TP53BP1: variants seen among roughly 807,000 people sequenced by gnomAD.
TP53BP1 encodes the protein TP53-binding protein 1.
TP53BP1 carries 61 observed loss-of-function variants against 200.8 expected under a neutral mutation model. The observed-to-expected ratio is 0.30, with a 90% CI of 0.25 to 0.38. The LOEUF (loss-of-function observed/expected upper bound fraction) is 0.38, where lower values mean the gene tolerates loss of function less well. Among genes scored for constraint, TP53BP1 ranks in the 10% least tolerant of loss-of-function variants. The pLI, the probability that TP53BP1 is intolerant of heterozygous loss-of-function variation, is 1.00. For missense variants in TP53BP1, 2,144 were observed against 2,371.9 expected (o/e 0.90, Z 2.00); for synonymous variants, 822 against 844.3 (o/e 0.97, Z 0.46).
At position 43,421,849 on chromosome 15, in the gene TP53BP1, C is replaced by T; in HGVS notation, c.4100+6G>A. The T allele has an allele frequency of 6.2e-7, 1 of 1,614,158 alleles. No individual in the cohort carries two copies. The highest frequency in any genetic ancestry group is 2.2e-5 in the East Asian group (1 of 44,892). ...GGCTCTCTCTCTCTGGAGACCCTGT[C>T]TGCACCTCAGTTTTCCTGGGCCTCC... On this transcript the variant is annotated splice_donor_region_variant and intron_variant, in intron 19 of 27. Transcript: ENST00000382044.
In TP53BP1 at chr15:43,508,006, C is replaced by T. The variant is rs568689962; in HGVS notation, c.-9+2364G>A. ...CTGGGATTACAGATGTGAGCCACCA[C>T]TCCTGTCCAGTTTTCTTTATAGAGC... On this transcript the variant is annotated intron_variant, in intron 1 of 27. Coordinates refer to the TP53BP1 transcript ENST00000263801. Among the ~76,000 whole-genome samples, 3 of 152,346 alleles carry T rather than the reference C, an allele frequency of 2.0e-5. No individual in the cohort carries two copies. The East Asian group carries it at 5.8e-4, about 29-fold the overall frequency.
chr15:43,405,249 G>C lies in TP53BP1; in HGVS notation c.*2134C>G. Reference sequence around the variant, plus strand: ...GCTCATAAATTGAAATAACAGCCACGTTCCCAAGGTTGTAACAGAAGATTC... The same window carrying C: ...GCTCATAAATTGAAATAACAGCCACCTTCCCAAGGTTGTAACAGAAGATTC... On this transcript the variant is annotated 3_prime_UTR_variant, in exon 28 of 28. Transcript: ENST00000382044. 1 of 1,611,772 alleles carries C rather than the reference G, an allele frequency of 6.2e-7. No homozygotes were observed.
chr15:43,438,235 A>C, intron 16 of TP53BP1, 89 bp downstream of exon 16: 5 of 1,138,568 alleles, frequency 4.4e-6, no homozygotes, highest in Non-Finnish European at 5.0e-6. Context: ...TGCCACATTC[A>C]AACCACAGCA....
chr15:43,477,795 A>T (rs773831200), intron 7 of TP53BP1, 36 bp from the exon 8 acceptor site: 1 of 1,465,904 alleles, frequency 6.8e-7, no homozygotes, highest in Non-Finnish European at 9.1e-7. Flanking sequence ...AAAAGTTCCT[A>T]AGTTCAAATG....
At chr15:43,420,995 G>A in intron 20 of TP53BP1, 30 bp downstream of exon 20, 1 of 1,595,780 alleles carries the variant, frequency 6.3e-7, no homozygotes. Context: ...CTGAACAACA[G>A]ACTAAGTATA....
chr15:43,420,873 C>T (rs2045380089), intron 20 of TP53BP1, 138 bp from the exon 21 acceptor site: 10 of 1,287,744 alleles, frequency 7.8e-6, no homozygotes, highest in Non-Finnish European at 9.6e-6. Context: ...TGAGCCTGGT[C>T]TCTCTGTGGC....
chr15:43,460,553 T>C (rs2244981), intron 11 of TP53BP1, among the ~76,000 whole-genome samples: 70,496 of 152,014 alleles, frequency 0.46, 21,368 homozygotes, highest in African/African-American at 0.87. Context: ...GCCACCACGC[T>C]CAGGCTTTTT....
At position 43,474,677 on chromosome 15, in the gene TP53BP1, T is replaced by C. The variant is rs369338183; in HGVS notation, c.1176A>G (p.Arg392=). The change falls in exon 10 of 28, where the codon AGA becomes AGG. Residue 392 remains arginine (R), a synonymous_variant. Coordinates refer to ENST00000382044, the MANE Select transcript of TP53BP1 (RefSeq NM_001141980.3). The stretch of plus-strand genomic sequence containing the variant: ...AGACAGATCAAGAGAGCTCACCTTG[T>C]CTCCCTTCTTGCTCTGTGGGACTGC... ...VPSSPTEQEG[R]QDKPMDTSVL... is the part of the protein sequence containing the mutation. 3.1e-6 allele frequency: 5 copies of C among 1,606,696 alleles called. No individual in the cohort carries two copies. In the African/African-American group the frequency reaches 6.7e-5, roughly 21 times the overall value.
chr15:43,451,269 G>A (rs947751821), intron 12 of TP53BP1, among the ~76,000 whole-genome samples: 2 of 151,582 alleles, frequency 1.3e-5, no homozygotes, highest in Admixed American at 1.3e-4. Context: ...GTGCCATGCT[G>A]GTGTGCTGCA....
rs1024781043 is a variant in TP53BP1 at position 43,421,444 on chromosome 15, C to T, written c.4101-270G>A. ...GCAAAAACAGCACACCCAATTTCTG[C>T]TATGCCTTCTCCTCTACTTTAGGCT... On this transcript the variant is annotated intron_variant, in intron 19 of 27. Transcript: ENST00000382044. 5.9e-5 allele frequency among the ~76,000 whole-genome samples: 9 copies of T among 152,200 alleles called. No homozygotes were observed. The East Asian group carries it at 1.5e-3, about 26-fold the overall frequency.
intron 24 of TP53BP1, among the ~76,000 whole-genome samples, chr15:43,411,800 A>T (rs2045124251): frequency 6.6e-6 from 1 of 152,238 alleles, no homozygotes; most frequent in African/African-American, 2.4e-5. Flanking sequence ...GATTTTAATG[A>T]AACTGGACAG....
chr15:43,416,355 G>A lies in TP53BP1; in HGVS notation c.4743C>T (p.Gly1581=). Residue 1581 remains glycine, a synonymous_variant, in exon 22 of 28, where the codon GGC becomes GGT. Transcript: ENST00000382044. ...GELYYSIEKE[G]QRKWYKRMAV... ...CCATTCGCTTATACCACTTTCTTTG[G>A]CCTTCTTTTTCAATGCTGTAGTACA... 6.2e-7 allele frequency: 1 copy of A among 1,614,112 alleles called. No homozygotes were observed. The highest frequency in any genetic ancestry group is 1.1e-5 in the South Asian group (1 of 91,084).
rs1037200224 is a variant in TP53BP1, at chr15:43,510,178, A to AG, written c.-9+191dup. Among the ~76,000 whole-genome samples the AG allele has an allele frequency of 6.3e-5, 5 of 79,588 alleles. No individual in the cohort carries two copies. In the East Asian group the frequency reaches 1.2e-3, roughly 19 times the overall value. The allele number at this position is 79,588 out of a possible 152,430, so 52.2% of individuals were successfully genotyped here. On this transcript the variant is annotated intron_variant, in intron 1 of 27. Coordinates refer to the TP53BP1 transcript ENST00000263801. ...GTTTTAAGAACTCCCGGGGGGTGGG[A>AG]GGGGGGGAAGTAATACAACAGTCTC...
chr15:43,453,462 T>C (rs1406059954), intron 12 of TP53BP1, among the ~76,000 whole-genome samples: 1 of 152,098 alleles, frequency 6.6e-6, no homozygotes, highest in Non-Finnish European at 1.5e-5. Flanking sequence ...TATCATTAAC[T>C]AGCCAAAAGA....
chr15:43,452,278 G>A (rs1037019041), intron 12 of TP53BP1, among the ~76,000 whole-genome samples: 4 of 151,960 alleles, frequency 2.6e-5, no homozygotes, highest in Admixed American at 6.6e-5. Context: ...AAAAACTATT[G>A]TTCTCGGCTG....
intron 16 of TP53BP1, among the ~76,000 whole-genome samples, chr15:43,436,113 T>A (rs1335986375): frequency 6.6e-6 from 1 of 151,716 alleles, no homozygotes; most frequent in Non-Finnish European, 1.5e-5. Context: ...CACCTCAGCA[T>A]CCCAAGTAGC....
At chr15:43,495,421 C>A (rs2079176044), upstream of TP53BP1, among the ~76,000 whole-genome samples, 1 of 151,012 alleles carries the variant, frequency 6.6e-6, no homozygotes, top group Admixed American at 6.6e-5. Flanking sequence ...ATTGCTTGAA[C>A]CCTGGAGGCG....
At chr15:43,414,251 T>C (rs2045207135) in intron 23 of TP53BP1, 1 of 402,838 alleles carries the variant, frequency 2.5e-6, no homozygotes, top group South Asian at 1.9e-5. Context: ...GTTAGCCAAC[T>C]TTTCTGTGCC....
rs535207393 is a variant in TP53BP1, at chr15:43,489,786, A to G, written c.371+1883T>C. On this transcript the variant is annotated intron_variant, in intron 4 of 27. Coordinates refer to ENST00000382044, the MANE Select transcript of TP53BP1 (RefSeq NM_001141980.3). ...TTTACCACCTATGTAGGCCAAATAA[A>G]ACACTTCTGCAGGCCACAATGAGCC... 6.6e-5 allele frequency among the ~76,000 whole-genome samples: 10 copies of G among 152,336 alleles called. No homozygotes were observed. The South Asian group carries it at 1.4e-3, about 22-fold the overall frequency.
Sources: allele counts gnomAD v4.1 joint callset (sites outside exome capture counted in the v4.1 genomes callset), GRCh38; gene constraint gnomAD v4.1.1; transcripts MANE v1.5; gene names NCBI Gene and HGNC (gene_info 2026-07-23, HGNC 2026-07-21).